Variants in HECTD4 observed in about 807,000 individuals in gnomAD.
HECTD4 encodes HECT domain E3 ubiquitin protein ligase 4, also known as probable E3 ubiquitin-protein ligase HECTD4.
In HECTD4, 114 loss-of-function variants were observed where a neutral mutation model predicts 471.5. That is an observed-to-expected ratio of 0.24 (90% CI 0.21 to 0.28). The LOEUF (loss-of-function observed/expected upper bound fraction) is 0.28, where lower values mean the gene tolerates loss of function less well. Ranked by LOEUF, HECTD4 falls within the 10% of genes least tolerant of loss-of-function variation. The pLI is 1.00. For missense variants in HECTD4, 3,866 were observed against 5,651.5 expected (o/e 0.68, Z 10.13); for synonymous variants, 2,012 against 2,256.0 (o/e 0.89, Z 3.07).
chr12:112,195,685 T>C (rs2032219820), intron 55 of HECTD4, among the ~76,000 whole-genome samples: 1 of 152,212 alleles, frequency 6.6e-6, no homozygotes, highest in South Asian at 2.1e-4. Context: ...GTGGTAATGG[T>C]TGGACAACTT....
chr12:112,288,112 T>C (rs1299225272), intron 7 of HECTD4, among the ~76,000 whole-genome samples: 2 of 146,840 alleles, frequency 1.4e-5, no homozygotes, highest in East Asian at 2.0e-4. Flanking sequence ...GTGGATCACT[T>C]GAGGCCAGGA....
Position 112,274,980 on chromosome 12 carries a change from G to A in HECTD4, c.1688-20C>T. 1 of 1,333,756 alleles carries A rather than the reference G, an allele frequency of 7.5e-7. No homozygotes were observed. Among genetic ancestry groups the A allele is most frequent in the East Asian group, 2.5e-5 (1 of 39,838 alleles). 82.6% of individuals were successfully genotyped at this position (1,333,756 alleles called of 1,614,324 possible). On this transcript the variant is annotated intron_variant, in intron 9 of 75. Transcript: ENST00000682272. ...CTAGGACTTTGGAAACAAACATTAAGCTGTTTAATGAGCCTGAAGATTATT... is the reference window on the plus strand; with the variant it reads ...CTAGGACTTTGGAAACAAACATTAAACTGTTTAATGAGCCTGAAGATTATT...
rs2034266191 is a variant in HECTD4 at position 112,266,102 on chromosome 12, G to A, written c.2393-119C>T. ...GCAAGCTAGGGGCACCAGACATACGGACTTATACAAATAAGAGTGGCAAAA... is the reference window on the plus strand; with the variant it reads ...GCAAGCTAGGGGCACCAGACATACGAACTTATACAAATAAGAGTGGCAAAA... On this transcript the variant is annotated intron_variant, in intron 14 of 75. Coordinates refer to ENST00000682272, the MANE Select transcript of HECTD4 (RefSeq NM_001388303.1). 10 of 653,746 alleles carry A rather than the reference G, an allele frequency of 1.5e-5. No homozygotes were observed. The South Asian group carries it at 1.6e-4, about 10-fold the overall frequency. 40.5% of individuals were successfully genotyped at this position (653,746 alleles called of 1,614,324 possible).
At chr12:112,253,984 C>G (rs2033952529) in intron 22 of HECTD4, 59 bp downstream of exon 22, 1 of 1,584,330 alleles carries the variant, frequency 6.3e-7, no homozygotes, top group Non-Finnish European at 8.6e-7. Flanking sequence ...GTACTTGGAC[C>G]TGTGAGGACT....
Position 112,203,705 on chromosome 12 carries a change from C to T in HECTD4, c.8337G>A (p.Leu2779=). 1 of 1,612,938 alleles carries T rather than the reference C, an allele frequency of 6.2e-7. No homozygotes were observed. The highest frequency in any genetic ancestry group is 8.5e-7 in the Non-Finnish European group (1 of 1,179,382). Reference sequence around the variant, plus strand: ...GCATCCCTCGGATGGCAAATTTTGGCAGAGCAGTTCCAACAGCACTGCTGG... The same window carrying T: ...GCATCCCTCGGATGGCAAATTTTGGTAGAGCAGTTCCAACAGCACTGCTGG... The part of the protein sequence containing the change: ...NVASSAVGTA[L]PKFAIRGMLK... The change falls in exon 54 of 76, where the codon CTG becomes CTA. Residue 2779 remains leucine, a synonymous_variant. Transcript: ENST00000682272.
intron 45 of HECTD4, 57 bp from the exon 46 acceptor site, chr12:112,217,252 C>T: frequency 1.4e-6 from 2 of 1,409,676 alleles, no homozygotes; most frequent in Non-Finnish European, 1.9e-6. Flanking sequence ...TCCCTTTACT[C>T]TCTCAAAGAA....
rs1324119314 is a variant in HECTD4 at position 112,277,624 on chromosome 12, T to G, written c.1687+1604A>C. 5.3e-5 allele frequency among the ~76,000 whole-genome samples: 8 copies of G among 152,296 alleles called. No individual in the cohort carries two copies. The East Asian group carries it at 1.5e-3, about 29-fold the overall frequency. ...GCACTAAGGAGAAAACCTCACTCCA[T>G]GTACTTTCTTCCTGGAGACCAAGCC... On this transcript the variant is annotated intron_variant, in intron 9 of 75. Transcript: ENST00000682272.
chr12:112,256,243 G>A, intron 21 of HECTD4, 77 bp downstream of exon 21: 1 of 1,082,606 alleles, frequency 9.2e-7, no homozygotes, highest in South Asian at 2.0e-5. Flanking sequence ...ATGGTGACCA[G>A]CAGCAAAGAA....
intron 32 of HECTD4, among the ~76,000 whole-genome samples, chr12:112,242,261 G>A (rs1297450558): frequency 6.6e-6 from 1 of 152,180 alleles, no homozygotes; most frequent in Non-Finnish European, 1.5e-5. Flanking sequence ...GTCAGCAGAG[G>A]ATGTGTTAAT....
chr12:112,271,214 A>G (rs1004989444), intron 11 of HECTD4, among the ~76,000 whole-genome samples: 27 of 152,226 alleles, frequency 1.8e-4, no homozygotes, highest in African/African-American at 6.3e-4. Flanking sequence ...CACTGACCCT[A>G]CAGATACTAA....
intron 51 of HECTD4, 37 bp from the exon 52 acceptor site, chr12:112,208,037 T>C: frequency 6.2e-7 from 1 of 1,602,198 alleles, no homozygotes; most frequent in Non-Finnish European, 8.5e-7. Context: ...AGAGAAGGAA[T>C]ATCTGGTGCA....
At chr12:112,291,421 A>G (rs960775673) in intron 7 of HECTD4, among the ~76,000 whole-genome samples, 2 of 152,044 alleles carry the variant, frequency 1.3e-5, no homozygotes, top group Admixed American at 6.6e-5. Context: ...CCATAATTCA[A>G]TTTCCCCAAT....
At chr12:112,170,944 C>T in intron 68 of HECTD4, 173 bp downstream of exon 68, 2 of 551,890 alleles carry the variant, frequency 3.6e-6, no homozygotes, top group South Asian at 2.7e-5. Context: ...AAAGTAACTT[C>T]CCTTGGGTGG....
At chr12:112,176,380 G>T (rs918092696) in intron 65 of HECTD4, among the ~76,000 whole-genome samples, 1 of 152,216 alleles carries the variant, frequency 6.6e-6, no homozygotes, top group Non-Finnish European at 1.5e-5. Flanking sequence ...GGTCATCAAA[G>T]ATGGCATCGA....
chr12:112,184,240 G>C lies in HECTD4; in HGVS notation c.10726C>G (p.Leu3576Val), dbSNP rs201553347. 7,673 of 1,613,524 alleles carry C rather than the reference G, an allele frequency of 4.8e-3. 29 individuals carry two copies. Among genetic ancestry groups the C allele is most frequent in the Non-Finnish European group, 5.9e-3 (7,014 of 1,179,836 alleles). Reference sequence around the variant, plus strand: ...CGGGCGGCGAGGGGCTGGTTGTCCAGGGAAGTGACTGTGTACATGGAGCCC... The same window carrying C: ...CGGGCGGCGAGGGGCTGGTTGTCCACGGAAGTGACTGTGTACATGGAGCCC... Reference protein sequence around the residue: ...DMGSMYTVTSLDNQPLAARPI... With the variant: ...DMGSMYTVTSVDNQPLAARPI... The change falls in exon 61 of 76, where the codon CTG becomes GTG. Residue 3576 changes from leucine (L) to valine (V), a missense_variant. Leu to Val is a conservative substitution (Grantham distance 32). This residue lies in a region of HECTD4 where 192 missense variants were observed against 189.9 expected (regional missense o/e 1.01). Coordinates refer to ENST00000682272, the MANE Select transcript of HECTD4 (RefSeq NM_001388303.1). The surrounding 1 kb of genome is among the most constrained non-coding windows in gnomAD (Gnocchi z 9.1).
chr12:112,302,581 G>T, intron 7 of HECTD4: 1 of 673,506 alleles, frequency 1.5e-6, no homozygotes, highest in South Asian at 1.5e-5. Flanking sequence ...CTCAAACAGG[G>T]AATTCACCAC....
In HECTD4 at chr12:112,243,835, C is replaced by T; in HGVS notation, c.4649+39G>A. The T allele has an allele frequency of 6.2e-7, 1 of 1,611,692 alleles. No individual in the cohort carries two copies. Among genetic ancestry groups the T allele is most frequent in the African/African-American group, 1.3e-5 (1 of 75,028 alleles). Reference sequence around the variant, plus strand: ...AGCTTGTTTTGATGAATGCATTCAGCTGCATGTGGGAACCCAACCCCGGCC... The same window carrying T: ...AGCTTGTTTTGATGAATGCATTCAGTTGCATGTGGGAACCCAACCCCGGCC... On this transcript the variant is annotated intron_variant, in intron 30 of 75. Transcript: ENST00000682272. This position sits in a 1 kb window ranked among gnomAD's most constrained non-coding sequence, Gnocchi z 6.6.
rs1443496600 is a variant in HECTD4 at position 112,231,703 on chromosome 12, C to T, written c.6010G>A (p.Glu2004Lys). 4.3e-6 allele frequency: 7 copies of T among 1,611,388 alleles called. No individual in the cohort carries two copies. The highest frequency in any genetic ancestry group is 1.7e-5 in the Admixed American group (1 of 59,840). The change falls in exon 39 of 76, where the codon GAA becomes AAA. Residue 2004 changes from glutamate (E) to lysine (K), a missense_variant. By Grantham distance (56) the Glu-to-Lys change is moderately conservative. Around this residue, in one of 16 missense-constraint regions of HECTD4, gnomAD observed 617 missense variants for 915.1 expected, o/e 0.67. Coordinates refer to ENST00000682272, the MANE Select transcript of HECTD4 (RefSeq NM_001388303.1). ...GCTGCAGCCTCTTCTGTAATCACTT[C>T]GCAACAGCCACCCTGGGGTGAGGTT... The part of the protein sequence containing the change: ...DRDMTKGGCC[E>K]VITEEAAAAL...
At chr12:112,371,392 G>A (rs1041900856) in intron 1 of HECTD4, among the ~76,000 whole-genome samples, 42 of 151,208 alleles carry the variant, frequency 2.8e-4, no homozygotes, top group African/African-American at 9.5e-4. Context: ...CCTGACCAAC[G>A]TAGTGAAACC....
Sources: gnomAD v4.1 joint callset for allele counts (sites outside exome capture counted in the v4.1 genomes callset) on GRCh38, gnomAD v4.1.1 for gene constraint, gnomAD v4.1.1 regional missense constraint, Gnocchi (gnomAD v3.1) non-coding constraint, MANE v1.5 for transcripts, NCBI Gene and HGNC (gene_info 2026-07-23, HGNC 2026-07-21) for gene names.